Variants in PVALB observed in about 807,000 individuals in gnomAD.
PVALB encodes the protein parvalbumin.
A neutral mutation model predicts 10.9 loss-of-function variants in PVALB; 11 were observed. The observed-to-expected ratio is 1.01, with a 90% CI of 0.63 to 1.67. The LOEUF (loss-of-function observed/expected upper bound fraction) is 1.67. PVALB is among the 40% of genes most tolerant of loss of function. The pLI is 0.00. For missense variants in PVALB, 131 were observed against 136.2 expected (o/e 0.96, Z 0.19); for synonymous variants, 57 against 50.7 (o/e 1.12, Z -0.53).
At chr22:36,815,327 T>G in intron 1 of PVALB, 92 bp from the exon 2 acceptor site, 1 of 1,518,670 alleles carries the variant, frequency 6.6e-7, no homozygotes, top group South Asian at 1.2e-5. Flanking sequence ...TGTTGATGGA[T>G]TCCCACATGC....
At chr22:36,811,695 G>T (rs1304922329) in intron 3 of PVALB, among the ~76,000 whole-genome samples, 1 of 152,140 alleles carries the variant, frequency 6.6e-6, no homozygotes, top group Non-Finnish European at 1.5e-5. Context: ...CATATTGGCT[G>T]CAAATAAAAA....
intron 3 of PVALB, among the ~76,000 whole-genome samples, chr22:36,809,839 C>G (rs1939017939): frequency 6.7e-6 from 1 of 149,282 alleles, no homozygotes; most frequent in South Asian, 2.1e-4. Context: ...GGCTAGTGAT[C>G]TGCCCCATGT....
intron 3 of PVALB, among the ~76,000 whole-genome samples, chr22:36,801,699 C>T (rs1174264052): frequency 1.3e-5 from 2 of 152,180 alleles, no homozygotes; most frequent in Admixed American, 6.5e-5. Flanking sequence ...ACTCCAAAGT[C>T]TGAGGCAGGA....
At chr22:36,804,434 G>A (rs1938919530) in intron 3 of PVALB, among the ~76,000 whole-genome samples, 1 of 152,174 alleles carries the variant, frequency 6.6e-6, no homozygotes, top group Non-Finnish European at 1.5e-5. Flanking sequence ...AGCCACATGC[G>A]CTGGCCTTCG....
intron 2 of PVALB, among the ~76,000 whole-genome samples, chr22:36,814,289 GTGT>G: frequency 6.6e-6 from 1 of 151,696 alleles, no homozygotes; most frequent in African/African-American, 2.4e-5. Flanking sequence ...GTGTGTGTGT[GTGT>G]GTGTGTGTGT....
chr22:36,803,084 T>C (rs1166597072), intron 3 of PVALB, among the ~76,000 whole-genome samples: 1 of 152,196 alleles, frequency 6.6e-6, no homozygotes, highest in Non-Finnish European at 1.5e-5. Flanking sequence ...GCATTTTGCA[T>C]ATATTATCTC....
At chr22:36,806,941 A>G (rs531546138) in intron 3 of PVALB, among the ~76,000 whole-genome samples, 1 of 152,034 alleles carries the variant, frequency 6.6e-6, no homozygotes, top group South Asian at 2.1e-4. Flanking sequence ...TCAAGCTGCA[A>G]CCCCCAGAGG....
At chr22:36,813,601 C>T (rs1177828132) in intron 3 of PVALB, 45 bp downstream of exon 3, 1 of 1,506,200 alleles carries the variant, frequency 6.6e-7, no homozygotes, top group Non-Finnish European at 9.2e-7. Context: ...CATCCAACAC[C>T]CCAAGATCCA....
intron 3 of PVALB, among the ~76,000 whole-genome samples, chr22:36,807,722 C>T (rs567783632): frequency 1.3e-5 from 2 of 152,166 alleles, no homozygotes; most frequent in South Asian, 2.1e-4. Flanking sequence ...GCCATTCCCA[C>T]GGCTGATCCC....
At chr22:36,817,840 C>G (rs1163863074), upstream of PVALB, among the ~76,000 whole-genome samples, 1 of 152,164 alleles carries the variant, frequency 6.6e-6, no homozygotes, top group Non-Finnish European at 1.5e-5. Flanking sequence ...CTCCTATAAA[C>G]CTTTTTTGGG....
chr22:36,807,324 T>A (rs1938966383), intron 3 of PVALB, among the ~76,000 whole-genome samples: 1 of 152,048 alleles, frequency 6.6e-6, no homozygotes, highest in Non-Finnish European at 1.5e-5. Context: ...GGTACCAGGG[T>A]GCAATGAGAT....
chr22:36,801,244 T>C (rs1472059825), intron 3 of PVALB, among the ~76,000 whole-genome samples: 5 of 152,176 alleles, frequency 3.3e-5, no homozygotes, highest in Non-Finnish European at 7.3e-5. Flanking sequence ...CCAGGCACTA[T>C]TCGAAACACT....
intron 2 of PVALB, among the ~76,000 whole-genome samples, chr22:36,814,263 C>T: frequency 1.2e-5 from 1 of 86,916 alleles, no homozygotes; most frequent in South Asian, 4.4e-4. Context: ...AAGTCAGCCT[C>T]TGTGAGTGTG....
upstream of PVALB, chr22:36,818,869 C>A (rs1036446378): frequency 5.3e-5 from 8 of 152,318 alleles, no homozygotes; most frequent in African/African-American, 1.9e-4. Context: ...TGCCTGGGAC[C>A]CAGCTCTATC....
At chr22:36,813,971 T>G (rs946810750) in intron 2 of PVALB, among the ~76,000 whole-genome samples, 2 of 152,158 alleles carry the variant, frequency 1.3e-5, no homozygotes, top group African/African-American at 4.8e-5. Context: ...CTGTCCTCAG[T>G]GAAGGGTTGT....
At chr22:36,810,801 G>T (rs1373228193) in intron 3 of PVALB, among the ~76,000 whole-genome samples, 3 of 152,196 alleles carry the variant, frequency 2.0e-5, no homozygotes, top group Non-Finnish European at 4.4e-5. Context: ...ATACCCAAAA[G>T]TTTCCAGCCT....
intron 3 of PVALB, among the ~76,000 whole-genome samples, chr22:36,806,541 C>T (rs1938952869): frequency 1.3e-5 from 2 of 152,304 alleles, no homozygotes; most frequent in African/African-American, 2.4e-5. Context: ...TCTTTCCCTC[C>T]CTCTGTCGTG....
intron 3 of PVALB, among the ~76,000 whole-genome samples, chr22:36,802,747 G>A (rs1486935036): frequency 6.6e-6 from 1 of 152,148 alleles, no homozygotes; most frequent in Non-Finnish European, 1.5e-5. Context: ...GGCTGTCCTA[G>A]GATAGGAAAA....
intron 3 of PVALB, among the ~76,000 whole-genome samples, chr22:36,806,289 A>G (rs557970752): frequency 6.6e-6 from 1 of 152,228 alleles, no homozygotes; most frequent in African/African-American, 2.4e-5. Flanking sequence ...CCAACCAGAA[A>G]GCGACAAAGG....
Sources: gnomAD v4.1 joint callset for allele counts (sites outside exome capture counted in the v4.1 genomes callset) on GRCh38, gnomAD v4.1.1 for gene constraint, MANE v1.5 for transcripts, NCBI Gene and HGNC (gene_info 2026-07-23, HGNC 2026-07-21) for gene names.